Variants in PCDHA2 observed in about 807,000 individuals in gnomAD.
PCDHA2 encodes protocadherin alpha 2, also known as protocadherin alpha-2.
A neutral mutation model predicts 66.0 loss-of-function variants in PCDHA2; 58 were observed. The observed-to-expected ratio is 0.88, with a 90% CI of 0.71 to 1.09. The LOEUF is 1.09. Ranked by LOEUF, PCDHA2 falls within the 50% of genes least tolerant of loss-of-function variation. PCDHA2 has a pLI of 0.00. For missense variants in PCDHA2, 1,267 were observed against 1,242.3 expected (o/e 1.02, Z -0.30); for synonymous variants, 634 against 554.0 (o/e 1.14, Z -2.03).
intron 1 of PCDHA2, chr5:140,856,399 T>A: frequency 6.3e-7 from 1 of 1,598,492 alleles, no homozygotes; most frequent in Admixed American, 1.7e-5. Flanking sequence ...AGGTTTTCCA[T>A]GTGGACGTGG....
intron 1 of PCDHA2, chr5:140,843,553 G>T: frequency 6.3e-7 from 1 of 1,595,928 alleles, no homozygotes; most frequent in African/African-American, 1.3e-5. Context: ...GCTCCAGTGC[G>T]GTGGGGAGCT....
At chr5:140,849,658 C>T in intron 1 of PCDHA2, 1 of 1,598,720 alleles carries the variant, frequency 6.3e-7, no homozygotes, top group African/African-American at 1.3e-5. Flanking sequence ...GTTACCTGCT[C>T]CCTGACGCCC....
At chr5:140,866,828 T>C (rs1260647763) in intron 1 of PCDHA2, 1 of 152,140 alleles carries the variant, frequency 6.6e-6, no homozygotes, top group East Asian at 1.9e-4. Flanking sequence ...CTTCAATTGA[T>C]TTTACAAAAT....
At chr5:140,856,117 G>A in intron 1 of PCDHA2, 1 of 1,598,170 alleles carries the variant, frequency 6.3e-7, no homozygotes, top group East Asian at 2.2e-5. Context: ...TCGCAGCCTG[G>A]GAGGTGGGGA....
At chr5:140,816,422 A>T (rs1267232018) in intron 1 of PCDHA2, 1 of 152,130 alleles carries the variant, frequency 6.6e-6, no homozygotes, top group African/African-American at 2.4e-5. Flanking sequence ...GAGCTCACTG[A>T]ACATCTTTAT....
In PCDHA2 at chr5:140,915,928, T is replaced by C. The variant is rs141949892; in HGVS notation, c.2389-63021T>C. ...CAGGCCCAGAGATGCTACTTGGGAG[T>C]CAGGGATTGGAGTCAAAATACTTAG... On this transcript the variant is annotated intron_variant, in intron 1 of 3. Coordinates refer to ENST00000526136, the MANE Select transcript of PCDHA2 (RefSeq NM_018905.3). Among the ~76,000 whole-genome samples the C allele has an allele frequency of 8.0e-3, 1,213 of 151,944 alleles. 5 individuals carry two copies. The highest frequency in any genetic ancestry group is 0.019 in the African/African-American group (783 of 41,424).
At position 140,971,106 on chromosome 5, in the gene PCDHA2, G is replaced by T. The variant is rs529915701; in HGVS notation, c.2389-7843G>T. Among the ~76,000 whole-genome samples, 46 of 152,304 alleles carry T rather than the reference G, an allele frequency of 3.0e-4. No homozygotes were observed. In the South Asian group the frequency reaches 4.1e-3, roughly 14 times the overall value. ...AACAAATTCTTGTGAAGCCCTTTGG[G>T]ATTGGGGTGGGCTACAGGTGGTGAA... is the stretch of plus-strand genomic sequence containing the variant. On this transcript the variant is annotated intron_variant, in intron 1 of 3. Transcript: ENST00000526136.
intron 1 of PCDHA2, chr5:140,969,195 A>G: frequency 6.2e-7 from 1 of 1,614,158 alleles, no homozygotes; most frequent in Non-Finnish European, 8.5e-7. Flanking sequence ...ATGTTTTACA[A>G]TACAGGGGCC....
chr5:140,823,298 C>T (rs2150124408), intron 1 of PCDHA2: 1 of 1,612,332 alleles, frequency 6.2e-7, no homozygotes, highest in Non-Finnish European at 8.5e-7. Flanking sequence ...AGTTACGTTT[C>T]GGTGCACGCG....
intron 2 of PCDHA2, among the ~76,000 whole-genome samples, chr5:140,980,982 C>G (rs1208541065): frequency 6.6e-6 from 1 of 151,990 alleles, no homozygotes; most frequent in East Asian, 1.9e-4. Flanking sequence ...ACTGAGCCCA[C>G]ACAATTTGCT....
At chr5:140,915,023 G>A (rs1273717052) in intron 1 of PCDHA2, among the ~76,000 whole-genome samples, 3 of 147,742 alleles carry the variant, frequency 2.0e-5, no homozygotes, top group African/African-American at 7.5e-5. Context: ...TTGGCTCACT[G>A]CAACTTCTGC....
At chr5:140,924,318 G>A (rs550515387) in intron 1 of PCDHA2, among the ~76,000 whole-genome samples, 1 of 152,164 alleles carries the variant, frequency 6.6e-6, no homozygotes, top group East Asian at 1.9e-4. Context: ...AATTTTATCT[G>A]AGACTTGGTG....
chr5:140,828,819 A>T, intron 1 of PCDHA2: 2 of 1,614,224 alleles, frequency 1.2e-6, no homozygotes, highest in Middle Eastern at 3.3e-4. Flanking sequence ...CCCACTTTCG[A>T]ACAGTCTGAA....
chr5:140,836,893 G>A (rs992802936), intron 1 of PCDHA2: 5 of 624,992 alleles, frequency 8.0e-6, no homozygotes, highest in Admixed American at 3.5e-5. Flanking sequence ...TTATTTGGAA[G>A]TACGTTTAAT....
At chr5:140,856,242 T>C (rs1202551683) in intron 1 of PCDHA2, 3 of 1,597,874 alleles carry the variant, frequency 1.9e-6, no homozygotes, top group Admixed American at 1.7e-5. Flanking sequence ...CTGTTCCGGG[T>C]GGCGTCCAAA....
At chr5:140,944,290 C>T (rs912018562) in intron 1 of PCDHA2, among the ~76,000 whole-genome samples, 8 of 152,124 alleles carry the variant, frequency 5.3e-5, no homozygotes, top group African/African-American at 9.7e-5. Flanking sequence ...CGGGCTCAAG[C>T]GATCCTCCTA....
chr5:140,841,805 G>C (rs1442483448), intron 1 of PCDHA2: 1 of 1,613,818 alleles, frequency 6.2e-7, no homozygotes, highest in African/African-American at 1.3e-5. Context: ...CGATGCAGAT[G>C]TTGGAGCTAA....
At chr5:140,968,097 G>A in intron 1 of PCDHA2, 1 of 1,614,112 alleles carries the variant, frequency 6.2e-7, no homozygotes, top group Non-Finnish European at 8.5e-7. Flanking sequence ...GCCACAGATG[G>A]GGGAATACCG....
chr5:140,893,294 T>C (rs539821362), intron 1 of PCDHA2, among the ~76,000 whole-genome samples: 97 of 152,304 alleles, frequency 6.4e-4, no homozygotes, highest in African/African-American at 2.3e-3. Flanking sequence ...ATATGGTAGT[T>C]CTATTTGTAG....
Sources: gnomAD v4.1 joint callset for allele counts (sites outside exome capture counted in the v4.1 genomes callset) on GRCh38, gnomAD v4.1.1 for gene constraint, MANE v1.5 for transcripts, NCBI Gene and HGNC (gene_info 2026-07-23, HGNC 2026-07-21) for gene names.